Variants in CCDC192 observed in about 807,000 individuals in gnomAD.
CCDC192 encodes the protein coiled-coil domain-containing protein 192.
intron 2 of CCDC192, 102 bp downstream of exon 2, chr5:127,707,862 G>C (rs909239805): frequency 2.6e-6 from 1 of 381,438 alleles, no homozygotes; most frequent in Non-Finnish European, 4.6e-6. Flanking sequence ...ATATTGTTTA[G>C]TTTTCACATT....
chr5:127,828,883 A>G (rs1307908948), intron 5 of CCDC192, among the ~76,000 whole-genome samples: 1 of 152,240 alleles, frequency 6.6e-6, no homozygotes, highest in Non-Finnish European at 1.5e-5. Context: ...GTTGGTAGCC[A>G]TCAGGTGATT....
chr5:127,903,165 T>C (rs1187203667), intron 6 of CCDC192, among the ~76,000 whole-genome samples: 1 of 152,114 alleles, frequency 6.6e-6, no homozygotes, highest in African/African-American at 2.4e-5. Flanking sequence ...GGTACATGGT[T>C]AGTAATCCCA....
At chr5:127,754,472 TAC>T (rs368830307) in intron 3 of CCDC192, 97 bp downstream of exon 3, 11,218 of 300,902 alleles carry the variant, frequency 0.037, no homozygotes, top group Middle Eastern at 0.06. Flanking sequence ...CCTCTACTGA[TAC>T]ACACACACAC....
intron 2 of CCDC192, among the ~76,000 whole-genome samples, chr5:127,749,345 G>A (rs2126859944): frequency 6.6e-6 from 1 of 152,206 alleles, no homozygotes; most frequent in Non-Finnish European, 1.5e-5. Context: ...TTTGTCAAAG[G>A]CCTTTTCTGC....
At chr5:127,767,069 A>G (rs1433506933) in intron 3 of CCDC192, among the ~76,000 whole-genome samples, 1 of 152,242 alleles carries the variant, frequency 6.6e-6, no homozygotes, top group Non-Finnish European at 1.5e-5. Flanking sequence ...CAAAGATAGC[A>G]GAGTGCCTTT....
intron 6 of CCDC192, among the ~76,000 whole-genome samples, chr5:127,895,291 G>A (rs1035863421): frequency 5.9e-5 from 9 of 152,036 alleles, no homozygotes; most frequent in Non-Finnish European, 1.2e-4. Context: ...TACACAGGCC[G>A]ATTCTGCTTA....
chr5:127,760,506 C>G (rs1363726047), intron 3 of CCDC192, among the ~76,000 whole-genome samples: 1 of 151,596 alleles, frequency 6.6e-6, no homozygotes, highest in African/African-American at 2.4e-5. Flanking sequence ...GTTCCCATCT[C>G]GCTTTAGTAC....
intron 6 of CCDC192, among the ~76,000 whole-genome samples, chr5:127,910,091 T>C (rs1753305200): frequency 6.6e-6 from 1 of 152,218 alleles, no homozygotes; most frequent in African/African-American, 2.4e-5. Flanking sequence ...AATCAGAATG[T>C]GTTGCAAAGA....
intron 5 of CCDC192, among the ~76,000 whole-genome samples, chr5:127,818,840 A>G (rs1313990453): frequency 1.3e-5 from 2 of 152,196 alleles, no homozygotes; most frequent in Admixed American, 1.3e-4. Context: ...CCCAAAAGGC[A>G]TGTCACATAT....
intron 5 of CCDC192, among the ~76,000 whole-genome samples, chr5:127,840,841 C>T (rs1750250173): frequency 6.6e-6 from 1 of 152,112 alleles, no homozygotes; most frequent in Non-Finnish European, 1.5e-5. Context: ...TTTAATTACT[C>T]ACATATAAAG....
intron 5 of CCDC192, among the ~76,000 whole-genome samples, chr5:127,873,629 C>T (rs1751949747): frequency 6.6e-6 from 1 of 152,170 alleles, no homozygotes; most frequent in Non-Finnish European, 1.5e-5. Context: ...GCCTCATTTT[C>T]CCTCATTCTC....
At chr5:127,820,061 T>C (rs1749213539) in intron 5 of CCDC192, among the ~76,000 whole-genome samples, 1 of 152,260 alleles carries the variant, frequency 6.6e-6, no homozygotes, top group African/African-American at 2.4e-5. Flanking sequence ...GATTGTGTTA[T>C]TTTAAATGTT....
At chr5:127,842,351 G>A (rs1310708711) in intron 5 of CCDC192, among the ~76,000 whole-genome samples, 4 of 152,152 alleles carry the variant, frequency 2.6e-5, no homozygotes, top group African/African-American at 9.7e-5. Flanking sequence ...CGAAGTAGCT[G>A]GGATGACAGG....
intron 5 of CCDC192, among the ~76,000 whole-genome samples, chr5:127,812,535 T>C (rs995208868): frequency 3.3e-5 from 5 of 152,216 alleles, no homozygotes; most frequent in Admixed American, 6.5e-5. Context: ...ATCTAAGTGT[T>C]TAAAAGCATA....
intron 2 of CCDC192, among the ~76,000 whole-genome samples, chr5:127,722,094 G>T (rs889284321): frequency 3.3e-5 from 5 of 152,118 alleles, no homozygotes; most frequent in Admixed American, 2.6e-4. Flanking sequence ...GTGTATGAGG[G>T]TTCCCTTTTC....
chr5:127,910,910 G>C lies in CCDC192; in HGVS notation c.536-30272G>C, dbSNP rs577384902. On this transcript the variant is annotated intron_variant, in intron 6 of 6. Coordinates refer to ENST00000514853, the MANE Select transcript of CCDC192 (RefSeq NM_001317938.2). ...TGGAAAATGAAGATAGGCAGAATGT[G>C]AGTTTCCTGTAGCTTCATGCATTGT... 1.2e-3 allele frequency among the ~76,000 whole-genome samples: 186 copies of C among 152,066 alleles called. 1 individual carries two copies. Among genetic ancestry groups the C allele is most frequent in the Non-Finnish European group, 2.4e-3 (164 of 68,020 alleles).
intron 5 of CCDC192, among the ~76,000 whole-genome samples, chr5:127,866,957 T>C (rs1751639213): frequency 6.6e-6 from 1 of 152,232 alleles, no homozygotes; most frequent in Non-Finnish European, 1.5e-5. Flanking sequence ...TCTCCTCTTA[T>C]GATAATTTTC....
intron 2 of CCDC192, among the ~76,000 whole-genome samples, chr5:127,749,020 G>T (rs533762108): frequency 6.6e-6 from 1 of 152,250 alleles, no homozygotes; most frequent in African/African-American, 2.4e-5. Flanking sequence ...TGAGACAATG[G>T]GGTTCTCTAG....
intron 5 of CCDC192, among the ~76,000 whole-genome samples, chr5:127,811,515 G>A (rs1001082319): frequency 1.3e-5 from 2 of 152,142 alleles, no homozygotes; most frequent in Non-Finnish European, 2.9e-5. Context: ...GAAATGCTTA[G>A]ACAGAAATAT....
Sources: allele counts gnomAD v4.1 joint callset (sites outside exome capture counted in the v4.1 genomes callset), GRCh38; gene constraint gnomAD v4.1.1; transcripts MANE v1.5; gene names NCBI Gene and HGNC (gene_info 2026-07-23, HGNC 2026-07-21).